The following SEMA3D variants were observed in gnomAD, a reference collection of about 807,000 sequenced individuals.
SEMA3D encodes the protein semaphorin-3D.
Under a neutral mutation model 100.1 loss-of-function variants are expected in SEMA3D, and 84 were observed. That is an observed-to-expected ratio of 0.84 (90% CI 0.70 to 1.01). The LOEUF is 1.01. Ranked by LOEUF, SEMA3D falls within the 50% of genes least tolerant of loss-of-function variation. The probability of loss-of-function intolerance (pLI) is 0.00; values close to 1 mark genes in which losing one functional copy is unlikely to be tolerated. For synonymous variants in SEMA3D, 312 were observed against 320.7 expected, an observed-to-expected ratio of 0.97 and a Z score of 0.29; for missense variants, 875 against 934.1, an observed-to-expected ratio of 0.94 and a Z score of 0.82.
At chr7:85,155,831 TG>T (rs1205751678) in intron 1 of SEMA3D, among the ~76,000 whole-genome samples, 1 of 152,144 alleles carries the variant, frequency 6.6e-6, no homozygotes, top group Non-Finnish European at 1.5e-5. Context: ...CATGAAGTTG[TG>T]GCACCTCAGT....
chr7:85,049,506 A>G (rs569681160), intron 9 of SEMA3D, among the ~76,000 whole-genome samples: 2 of 151,738 alleles, frequency 1.3e-5, no homozygotes, highest in South Asian at 4.2e-4. Flanking sequence ...GAGTTCATTC[A>G]ATTAAAAAAA....
At chr7:85,037,090 A>G in intron 11 of SEMA3D, 57 bp from the exon 12 acceptor site, 1 of 1,556,854 alleles carries the variant, frequency 6.4e-7, no homozygotes, top group Non-Finnish European at 8.8e-7. Context: ...ATAAACATTG[A>G]CTGAGCACAT....
intron 1 of SEMA3D, among the ~76,000 whole-genome samples, chr7:85,176,401 A>G (rs919673209): frequency 6.6e-6 from 1 of 152,114 alleles, no homozygotes; most frequent in Non-Finnish European, 1.5e-5. Context: ...ATCAGGTTCC[A>G]TGACTTTTTC....
At position 84,997,912 on chromosome 7, in the gene SEMA3D, C is replaced by G. The variant is rs988625390; in HGVS notation, c.*1528G>C. 2 of 152,044 alleles carry G rather than the reference C, an allele frequency of 1.3e-5. No individual in the cohort carries two copies. Among genetic ancestry groups the G allele is most frequent in the Admixed American group, 1.3e-4 (2 of 15,262 alleles). The allele number at this position is 152,044 out of a possible 1,614,324, so 9.4% of individuals were successfully genotyped here. A position where few individuals can be genotyped will look rare whatever the true frequency, so the allele number is the denominator to read the frequency against. On this transcript the variant is annotated 3_prime_UTR_variant, in exon 19 of 19. Coordinates refer to ENST00000284136, the MANE Select transcript of SEMA3D (RefSeq NM_001384900.1). Reference sequence around the variant, plus strand: ...CTGCTTAAACAGACAGGAAACACACCATGCATATTCAGAGGGAAAGTCAAA... The same window carrying G: ...CTGCTTAAACAGACAGGAAACACACGATGCATATTCAGAGGGAAAGTCAAA...
At chr7:85,025,989 A>G (rs913977472) in intron 12 of SEMA3D, among the ~76,000 whole-genome samples, 1 of 152,058 alleles carries the variant, frequency 6.6e-6, no homozygotes, top group Non-Finnish European at 1.5e-5. Context: ...TTCATTTTAA[A>G]AGCAAATTGT....
chr7:85,121,951 A>C lies in SEMA3D; in HGVS notation c.-40-20T>G. On this transcript the variant is annotated intron_variant, in intron 2 of 18. Coordinates refer to ENST00000284136, the MANE Select transcript of SEMA3D (RefSeq NM_001384900.1). Reference sequence around the variant, plus strand: ...TTTAATCTAAAAAAGAGTAAAAAAAAAAAAACTATTAAGGTATCAGCAAAC... The same window carrying C: ...TTTAATCTAAAAAAGAGTAAAAAAACAAAAACTATTAAGGTATCAGCAAAC... 1 of 1,309,674 alleles carries C rather than the reference A, an allele frequency of 7.6e-7. No homozygotes were observed. Among genetic ancestry groups the C allele is most frequent in the Admixed American group, 2.6e-5 (1 of 39,108 alleles). 81.1% of individuals were successfully genotyped at this position (1,309,674 alleles called of 1,614,324 possible).
chr7:85,059,854 C>G (rs1791424882), intron 8 of SEMA3D, among the ~76,000 whole-genome samples: 1 of 152,058 alleles, frequency 6.6e-6, no homozygotes, highest in Non-Finnish European at 1.5e-5. Context: ...ATAAATATGG[C>G]AATTCATTGT....
chr7:85,016,365 G>A (rs1208479663), intron 15 of SEMA3D, among the ~76,000 whole-genome samples: 1 of 149,172 alleles, frequency 6.7e-6, no homozygotes, highest in Non-Finnish European at 1.5e-5. Flanking sequence ...AAGTATAAAT[G>A]TAATAACCCC....
intron 12 of SEMA3D, among the ~76,000 whole-genome samples, chr7:85,030,344 C>T (rs1410703443): frequency 6.6e-6 from 1 of 151,888 alleles, no homozygotes; most frequent in East Asian, 1.9e-4. Context: ...TTAAAAAGTA[C>T]CTATAACTAC....
the SEMA3D span, among the ~76,000 whole-genome samples, chr7:85,200,356 G>A: frequency 6.6e-6 from 1 of 152,184 alleles, no homozygotes; most frequent in Non-Finnish European, 1.5e-5. Flanking sequence ...CCAGGCTGAG[G>A]TGGTCTCAGA....
chr7:85,059,675 C>A (rs532845488), intron 8 of SEMA3D, among the ~76,000 whole-genome samples: 1 of 152,154 alleles, frequency 6.6e-6, no homozygotes, highest in Non-Finnish European at 1.5e-5. Context: ...AAAAGGAATA[C>A]CAATATGAAG....
the SEMA3D span, among the ~76,000 whole-genome samples, chr7:85,198,420 G>C: frequency 6.6e-6 from 1 of 151,932 alleles, no homozygotes; most frequent in Non-Finnish European, 1.5e-5. Context: ...CCTTTATCAT[G>C]GATCCTTTGG....
the SEMA3D span, among the ~76,000 whole-genome samples, chr7:85,236,276 TTTTA>T: frequency 2.2e-5 from 3 of 139,066 alleles, 1 homozygote; most frequent in South Asian, 2.1e-4. Flanking sequence ...TTTTATTTTA[TTTTA>T]TTTTATTTAT....
At chr7:85,070,417 A>G (rs1214268671) in intron 6 of SEMA3D, among the ~76,000 whole-genome samples, 2 of 152,062 alleles carry the variant, frequency 1.3e-5, no homozygotes, top group African/African-American at 4.8e-5. Context: ...CCCCAGCCAC[A>G]CTGCATAGCA....
At chr7:85,043,245 G>A (rs1397271207) in intron 9 of SEMA3D, among the ~76,000 whole-genome samples, 3 of 151,960 alleles carry the variant, frequency 2.0e-5, no homozygotes, top group African/African-American at 2.4e-5. Context: ...TGTAATCCCC[G>A]CTATTCAGGA....
At chr7:85,042,334 C>A in intron 9 of SEMA3D, 49 bp from the exon 10 acceptor site, 1 of 1,337,398 alleles carries the variant, frequency 7.5e-7, no homozygotes, top group South Asian at 1.2e-5. Flanking sequence ...CACAATTCTA[C>A]CACTCACTAA....
the SEMA3D span, among the ~76,000 whole-genome samples, chr7:85,237,357 T>A: frequency 9.3e-4 from 141 of 152,298 alleles, no homozygotes; most frequent in Non-Finnish European, 1.7e-3. Context: ...TGGATTTAGA[T>A]CAATGTTATA....
At chr7:85,249,681 G>A in the SEMA3D span, among the ~76,000 whole-genome samples, 145 of 152,292 alleles carry the variant, frequency 9.5e-4, no homozygotes, top group African/African-American at 3.4e-3. Context: ...CGTGTTATAT[G>A]TGGTGTTAAT....
intron 11 of SEMA3D, among the ~76,000 whole-genome samples, chr7:85,037,456 C>T (rs1790732435): frequency 6.6e-6 from 1 of 151,872 alleles, no homozygotes; most frequent in Non-Finnish European, 1.5e-5. Context: ...ATAATGCCTT[C>T]CAAAGGCTTA....
Sources: gnomAD v4.1 joint callset for allele counts (sites outside exome capture counted in the v4.1 genomes callset) on GRCh38, gnomAD v4.1.1 for gene constraint, MANE v1.5 for transcripts, NCBI Gene and HGNC (gene_info 2026-07-23, HGNC 2026-07-21) for gene names.